PTPRN2: variants seen among roughly 807,000 people sequenced by gnomAD.
The protein encoded by PTPRN2 is protein tyrosine phosphatase receptor type N2.
A neutral mutation model predicts 118.8 loss-of-function variants in PTPRN2; 74 were observed. The observed-to-expected ratio is 0.62, with a 90% CI of 0.52 to 0.76. The LOEUF is 0.76. PTPRN2 is among the 30% of genes least tolerant of loss of function. The pLI is 0.00. For synonymous variants in PTPRN2, 641 were observed against 608.0 expected (o/e 1.05, Z -0.80); for missense variants, 1,481 against 1,394.4 (o/e 1.06, Z -0.99).
chr7:158,079,379 C>G (rs1002328924), intron 11 of PTPRN2, among the ~76,000 whole-genome samples: 1 of 152,160 alleles, frequency 6.6e-6, no homozygotes, highest in Admixed American at 6.5e-5. Context: ...GTGGCTCCCC[C>G]TTGGTGCAGC....
At chr7:158,381,165 G>A (rs1247706980) in intron 2 of PTPRN2, among the ~76,000 whole-genome samples, 2 of 152,222 alleles carry the variant, frequency 1.3e-5, no homozygotes, top group Admixed American at 1.3e-4. Context: ...TTGGCTCCTT[G>A]TTACTTAGGC....
intron 2 of PTPRN2, among the ~76,000 whole-genome samples, chr7:158,399,939 C>T (rs1001309894): frequency 2.0e-5 from 3 of 152,100 alleles, no homozygotes; most frequent in African/African-American, 7.2e-5. Flanking sequence ...CCACAGGGAG[C>T]GAAGCTGGGA....
rs1440717598 is a variant in PTPRN2 at position 158,341,564 on chromosome 7, C to G, written c.164-24632G>C. ...GTGACATCTGCAGACGTCACTCACA[C>G]CCACACTCTCACCATAAGAGGTGAC... On this transcript the variant is annotated intron_variant, in intron 2 of 22. Transcript: ENST00000389418. Among the ~76,000 whole-genome samples, 51 of 117,788 alleles carry G rather than the reference C, an allele frequency of 4.3e-4. 5 individuals carry two copies. Among genetic ancestry groups the G allele is most frequent in the African/African-American group, 1.6e-3 (49 of 31,236 alleles). The allele number at this position is 117,788 out of a possible 152,430, so 77.3% of individuals were successfully genotyped here. A position where few individuals can be genotyped will look rare whatever the true frequency, so the allele number is the denominator to read the frequency against.
At chr7:157,743,512 A>G (rs1262001155) in intron 12 of PTPRN2, among the ~76,000 whole-genome samples, 1 of 152,160 alleles carries the variant, frequency 6.6e-6, no homozygotes. Flanking sequence ...AGTGGGACCC[A>G]CACTTGTGGC....
chr7:158,582,617 T>C (rs1376454497), intron 1 of PTPRN2, among the ~76,000 whole-genome samples: 1 of 151,844 alleles, frequency 6.6e-6, no homozygotes, highest in Non-Finnish European at 1.5e-5. Flanking sequence ...TATTTACTCA[T>C]GAACCCAAAC....
intron 13 of PTPRN2, among the ~76,000 whole-genome samples, chr7:157,670,188 C>T (rs1030644131): frequency 1.3e-5 from 2 of 152,150 alleles, no homozygotes; most frequent in Non-Finnish European, 2.9e-5. Context: ...CTCCTGAAGC[C>T]CCTGGTGGGT....
In PTPRN2 at chr7:157,896,591, T is replaced by C. The variant is rs570052669; in HGVS notation, c.1788+2082A>G. On this transcript the variant is annotated intron_variant, in intron 12 of 22. Transcript: ENST00000389418. Reference sequence around the variant, plus strand: ...CACGTGTGCGTGGGAAGGAGCTCCGTTGTGAGTGGGCAGCCGGGGAGGTGC... The same window carrying C: ...CACGTGTGCGTGGGAAGGAGCTCCGCTGTGAGTGGGCAGCCGGGGAGGTGC... Among the ~76,000 whole-genome samples the C allele has an allele frequency of 1.8e-4, 27 of 149,460 alleles. No homozygotes were observed. The Middle Eastern group carries it at 0.014, about 76-fold the overall frequency.
chr7:158,187,121 G>C (rs1215348621), intron 5 of PTPRN2, among the ~76,000 whole-genome samples: 1 of 152,194 alleles, frequency 6.6e-6, no homozygotes, highest in East Asian at 1.9e-4. Context: ...TTGATTTAGT[G>C]ATCAATAAGT....
At chr7:158,294,576 C>T (rs1357731510) in intron 3 of PTPRN2, among the ~76,000 whole-genome samples, 1 of 152,204 alleles carries the variant, frequency 6.6e-6, no homozygotes, top group Non-Finnish European at 1.5e-5. Context: ...TGAGCAACAG[C>T]ATCAGACATG....
chr7:157,584,502 G>A (rs1800558807), intron 17 of PTPRN2, among the ~76,000 whole-genome samples: 1 of 152,220 alleles, frequency 6.6e-6, no homozygotes, highest in Non-Finnish European at 1.5e-5. Context: ...TTGCTTAAAT[G>A]TACAGACAAG....
chr7:157,671,180 C>T lies in PTPRN2; in HGVS notation c.2001+11545G>A, dbSNP rs1163105954. On this transcript the variant is annotated intron_variant, in intron 13 of 22. Coordinates refer to ENST00000389418, the MANE Select transcript of PTPRN2 (RefSeq NM_002847.5). This position sits in a 1 kb window ranked among gnomAD's most constrained non-coding sequence, Gnocchi z 4.1. The stretch of plus-strand genomic sequence containing the variant: ...GTTCAATGTATCGATTCATTCTTAT[C>T]GAGCATGTAAAGGTCCCCGGTGGGT... 6.6e-6 allele frequency among the ~76,000 whole-genome samples: 1 copy of T among 151,356 alleles called. No individual in the cohort carries two copies.
In PTPRN2 at chr7:157,929,379, C is replaced by A. The variant is rs1799229906; in HGVS notation, c.1724-30642G>T. Among the ~76,000 whole-genome samples, 1 of 151,960 alleles carries A rather than the reference C, an allele frequency of 6.6e-6. No individual in the cohort carries two copies. Among genetic ancestry groups the A allele is most frequent in the Admixed American group, 6.5e-5 (1 of 15,276 alleles). ...ATGTCAACTCCTCTGTGGGTTCCTG[C>A]AGCACCGGGAGACCCTGGCGCGACT... On this transcript the variant is annotated intron_variant, in intron 11 of 22. Transcript: ENST00000389418. This position sits in a 1 kb window ranked among gnomAD's most constrained non-coding sequence, Gnocchi z 4.4.
chr7:157,667,391 ACT>A, intron 13 of PTPRN2, among the ~76,000 whole-genome samples: 1 of 150,978 alleles, frequency 6.6e-6, no homozygotes, highest in East Asian at 2.0e-4. Context: ...TGACTTGCAC[ACT>A]CGGCCCGTGG....
intron 2 of PTPRN2, among the ~76,000 whole-genome samples, chr7:158,372,311 CTGGTCCCCGGA>C (rs1189008125): frequency 1.3e-5 from 2 of 151,002 alleles, no homozygotes; most frequent in Non-Finnish European, 3.0e-5. Context: ...CCCCCCAACG[CTGGTCCCCGGA>C]GCTGGTCCCC....
chr7:157,975,181 T>C (rs1191203159), intron 11 of PTPRN2, among the ~76,000 whole-genome samples: 1 of 152,110 alleles, frequency 6.6e-6, no homozygotes, highest in Non-Finnish European at 1.5e-5. Flanking sequence ...AACACTGCTG[T>C]CCACGCTGGG....
At chr7:158,138,556 C>G (rs534310021) in intron 6 of PTPRN2, 41 bp from the exon 7 acceptor site, 1 of 1,581,698 alleles carries the variant, frequency 6.3e-7, no homozygotes. Flanking sequence ...TGTGGGTGGA[C>G]GAATGCAAAG....
intron 12 of PTPRN2, among the ~76,000 whole-genome samples, chr7:157,848,637 G>C (rs1035788473): frequency 1.3e-5 from 2 of 152,256 alleles, no homozygotes; most frequent in African/African-American, 4.8e-5. Flanking sequence ...CACAGAGCTT[G>C]CCAGGAGTGA....
intron 4 of PTPRN2, among the ~76,000 whole-genome samples, chr7:158,202,053 A>C (rs77954122): frequency 6.6e-6 from 1 of 152,220 alleles, no homozygotes. Flanking sequence ...CTGCATTTAC[A>C]AATGTGGAAA....
chr7:158,055,776 G>C (rs1300047996), intron 11 of PTPRN2, among the ~76,000 whole-genome samples: 1 of 152,170 alleles, frequency 6.6e-6, no homozygotes. Context: ...CTGCCCCTTT[G>C]TTTTGTATCC....
Sources: gnomAD v4.1 joint callset for allele counts (sites outside exome capture counted in the v4.1 genomes callset) on GRCh38, gnomAD v4.1.1 for gene constraint, Gnocchi (gnomAD v3.1) non-coding constraint, MANE v1.5 for transcripts, NCBI Gene and HGNC (gene_info 2026-07-23, HGNC 2026-07-21) for gene names.